The following EVI5 variants were observed in gnomAD, a reference collection of about 807,000 sequenced individuals.
EVI5 encodes ecotropic viral integration site 5 protein homolog.
EVI5 carries 73 observed loss-of-function variants against 112.0 expected under a neutral mutation model. The ratio of observed to expected loss-of-function variants is 0.65; its 90% CI spans 0.54 to 0.79. EVI5 has a LOEUF of 0.79. EVI5 is among the 30% of genes least tolerant of loss of function. The pLI is 0.00. For synonymous variants in EVI5, 305 were observed against 319.9 expected (o/e 0.95, Z 0.50); for missense variants, 900 against 968.8 (o/e 0.93, Z 0.94).
chr1:92,712,193 G>A (rs1672947193), intron 2 of EVI5, among the ~76,000 whole-genome samples: 1 of 152,130 alleles, frequency 6.6e-6, no homozygotes, highest in Admixed American at 6.5e-5. Flanking sequence ...ACAACACCAA[G>A]CACAAATTCA....
intron 2 of EVI5, among the ~76,000 whole-genome samples, chr1:92,721,469 T>C (rs560302336): frequency 8.6e-5 from 13 of 152,016 alleles, no homozygotes; most frequent in Admixed American, 4.6e-4. Flanking sequence ...TAGGTGGGAA[T>C]TGAACAATGA....
At chr1:92,654,073 T>G (rs1225140135) in intron 13 of EVI5, among the ~76,000 whole-genome samples, 5 of 151,946 alleles carry the variant, frequency 3.3e-5, no homozygotes, top group Non-Finnish European at 7.4e-5. Flanking sequence ...AAGGGCCGGC[T>G]TGGCTGTCCA....
At chr1:92,559,431 C>A (rs1307698796) in intron 19 of EVI5, among the ~76,000 whole-genome samples, 1 of 151,874 alleles carries the variant, frequency 6.6e-6, no homozygotes, top group East Asian at 1.9e-4. Flanking sequence ...GGTCTTTGGG[C>A]TAGTTGTTTC....
intron 1 of EVI5, among the ~76,000 whole-genome samples, chr1:92,760,982 C>T (rs1415938562): frequency 2.1e-5 from 3 of 140,700 alleles, no homozygotes; most frequent in Admixed American, 1.6e-4. Flanking sequence ...GGCATGAACC[C>T]GGGAGGCGGA....
intron 2 of EVI5, among the ~76,000 whole-genome samples, chr1:92,728,687 G>A (rs1333700942): frequency 6.6e-6 from 1 of 152,042 alleles, no homozygotes. Flanking sequence ...CGGGCCCAGC[G>A]AATCATGGTT....
chr1:92,779,076 T>TTAA (rs1222611850), intron 1 of EVI5, among the ~76,000 whole-genome samples: 2 of 152,160 alleles, frequency 1.3e-5, no homozygotes, highest in African/African-American at 4.8e-5. Context: ...CCTTAAGTCC[T>TTAA]ACTTACAAGT....
intron 14 of EVI5, among the ~76,000 whole-genome samples, chr1:92,633,784 T>G (rs77870908): frequency 1.3e-5 from 2 of 152,252 alleles, no homozygotes; most frequent in East Asian, 3.8e-4. Context: ...CTCTATGGTC[T>G]TTACAATTTG....
Position 92,511,926 on chromosome 1 carries a change from C to A in EVI5, c.*1730G>T, listed in dbSNP as rs1659214664. On this transcript the variant is annotated 3_prime_UTR_variant, in exon 20 of 20. Coordinates refer to ENST00000684568, the MANE Select transcript of EVI5 (RefSeq NM_001350197.2). ...CTATTTCATATTTTTTTTTTTGCCG[C>A]ATGCAACATACTGTGCAAAACTGTG... The A allele has an allele frequency of 6.6e-6, 1 of 151,920 alleles. No homozygotes were observed. The highest frequency in any genetic ancestry group is 2.4e-5 in the African/African-American group (1 of 41,302). The allele number at this position is 151,920 out of a possible 1,614,324, so 9.4% of individuals were successfully genotyped here. A position where few individuals can be genotyped will look rare whatever the true frequency, so the allele number is the denominator to read the frequency against.
intron 13 of EVI5, among the ~76,000 whole-genome samples, chr1:92,638,364 C>T (rs530119559): frequency 1.3e-5 from 2 of 151,976 alleles, no homozygotes; most frequent in South Asian, 4.2e-4. Context: ...TTATTTTAGT[C>T]TTCTGGATTA....
At chr1:92,697,709 A>G (rs1670527382) in intron 6 of EVI5, 151 bp downstream of exon 6, 4 of 660,344 alleles carry the variant, frequency 6.1e-6, no homozygotes, top group Non-Finnish European at 1.0e-5. Context: ...CAAATTGTAC[A>G]TTAACCAACC....
intron 13 of EVI5, among the ~76,000 whole-genome samples, chr1:92,656,699 G>C (rs1663049128): frequency 6.6e-6 from 1 of 151,816 alleles, no homozygotes; most frequent in South Asian, 2.1e-4. Context: ...AAATGAAAAA[G>C]GAGACATTAC....
At chr1:92,731,671 C>T (rs1676491972) in intron 2 of EVI5, among the ~76,000 whole-genome samples, 1 of 152,076 alleles carries the variant, frequency 6.6e-6, no homozygotes, top group Non-Finnish European at 1.5e-5. Flanking sequence ...ATAATCAAGG[C>T]AGTATAGTGC....
chr1:92,684,592 A>C (rs1668183742), intron 9 of EVI5, among the ~76,000 whole-genome samples: 1 of 152,190 alleles, frequency 6.6e-6, no homozygotes. Flanking sequence ...GCTCCAATTA[A>C]AAGACACAGA....
chr1:92,773,187 C>T (rs1245708549), intron 1 of EVI5, among the ~76,000 whole-genome samples: 4 of 101,608 alleles, frequency 3.9e-5, no homozygotes, highest in Non-Finnish European at 7.5e-5. Flanking sequence ...GCCTGAGCAA[C>T]AGGCTGTCTC....
At chr1:92,555,108 C>A (rs1456133474) in intron 19 of EVI5, among the ~76,000 whole-genome samples, 2 of 152,186 alleles carry the variant, frequency 1.3e-5, no homozygotes, top group East Asian at 3.8e-4. Flanking sequence ...TACAATCTTT[C>A]ATTATCTACA....
chr1:92,628,856 A>G (rs1656271099), intron 14 of EVI5, among the ~76,000 whole-genome samples: 1 of 152,240 alleles, frequency 6.6e-6, no homozygotes, highest in African/African-American at 2.4e-5. Context: ...TGGACTTTAA[A>G]TATTTTCTCA....
chr1:92,780,827 T>C (rs988144606), intron 1 of EVI5, among the ~76,000 whole-genome samples: 8 of 151,726 alleles, frequency 5.3e-5, no homozygotes, highest in African/African-American at 1.9e-4. Context: ...CAGTGAGACC[T>C]TGTCTCAAAG....
intron 1 of EVI5, among the ~76,000 whole-genome samples, chr1:92,765,987 G>A (rs1009316083): frequency 6.6e-6 from 1 of 151,732 alleles, no homozygotes; most frequent in Admixed American, 6.6e-5. Flanking sequence ...GTCTGTCCAA[G>A]TGTCAGATGT....
chr1:92,717,580 C>A lies in EVI5; in HGVS notation c.150-12836G>T, dbSNP rs1673956399. The stretch of plus-strand genomic sequence containing the variant: ...GGAAAGGAACAACCGTTACCAGCCT[C>A]TGCAAAAACATGACAAACTGTAAAG... On this transcript the variant is annotated intron_variant, in intron 2 of 19. Coordinates refer to ENST00000684568, the MANE Select transcript of EVI5 (RefSeq NM_001350197.2). 2.0e-5 allele frequency among the ~76,000 whole-genome samples: 3 copies of A among 152,302 alleles called. 1 individual carries two copies. In the South Asian group the frequency reaches 6.2e-4, roughly 32 times the overall value.
Sources: allele counts gnomAD v4.1 joint callset (sites outside exome capture counted in the v4.1 genomes callset), GRCh38; gene constraint gnomAD v4.1.1; transcripts MANE v1.5; gene names NCBI Gene and HGNC (gene_info 2026-07-23, HGNC 2026-07-21).